TMTC2: variants seen among roughly 807,000 people sequenced by gnomAD.
The protein encoded by TMTC2 is transmembrane O-mannosyltransferase targeting cadherins 2.
A neutral mutation model predicts 82.4 loss-of-function variants in TMTC2; 43 were observed. The ratio of observed to expected loss-of-function variants is 0.52; its 90% CI spans 0.41 to 0.67. The LOEUF is 0.67. Ranked by LOEUF, TMTC2 falls within the 30% of genes least tolerant of loss-of-function variation. The probability of loss-of-function intolerance (pLI) is 0.00; values close to 1 mark genes in which losing one functional copy is unlikely to be tolerated. For synonymous variants in TMTC2, 408 were observed against 381.9 expected (o/e 1.07, Z -0.80); for missense variants, 919 against 1,012.4 (o/e 0.91, Z 1.25).
At chr12:83,130,920 T>C (rs904934308) in intron 11 of TMTC2, among the ~76,000 whole-genome samples, 1 of 152,188 alleles carries the variant, frequency 6.6e-6, no homozygotes, top group African/African-American at 2.4e-5. Flanking sequence ...CCAGATCTCT[T>C]AAAAATCCAA....
chr12:83,059,002 T>C (rs899482164), intron 10 of TMTC2, among the ~76,000 whole-genome samples: 8 of 151,850 alleles, frequency 5.3e-5, no homozygotes, highest in African/African-American at 2.4e-5. Context: ...AATGAAATAA[T>C]CTATTCCTGG....
intron 1 of TMTC2, among the ~76,000 whole-genome samples, chr12:82,689,080 A>T (rs984975560): frequency 1.3e-5 from 2 of 152,242 alleles, no homozygotes; most frequent in Non-Finnish European, 2.9e-5. Flanking sequence ...GCAACTACAC[A>T]GCATGCTCTG....
intron 7 of TMTC2, among the ~76,000 whole-genome samples, chr12:82,984,632 T>C (rs1056856759): frequency 4.6e-5 from 7 of 152,190 alleles, no homozygotes; most frequent in African/African-American, 1.4e-4. Context: ...TGGAAGATAA[T>C]GCAAGTCACC....
At chr12:82,896,763 TG>T in intron 3 of TMTC2, 117 bp downstream of exon 3, 1 of 709,780 alleles carries the variant, frequency 1.4e-6, no homozygotes, top group Non-Finnish European at 2.2e-6. Flanking sequence ...ATGCAGTACC[TG>T]TATCTTTCAT....
chr12:82,859,930 C>T (rs1193931918), intron 2 of TMTC2, among the ~76,000 whole-genome samples: 1 of 152,160 alleles, frequency 6.6e-6, no homozygotes, highest in African/African-American at 2.4e-5. Context: ...GGCCAATGAG[C>T]TTAATAAGAA....
At chr12:82,880,497 T>C (rs1872767340) in intron 2 of TMTC2, among the ~76,000 whole-genome samples, 1 of 152,202 alleles carries the variant, frequency 6.6e-6, no homozygotes, top group Non-Finnish European at 1.5e-5. Flanking sequence ...CCAGTGCATT[T>C]GAACGAGGGC....
At chr12:82,742,838 C>T (rs2136955499) in intron 1 of TMTC2, among the ~76,000 whole-genome samples, 1 of 152,196 alleles carries the variant, frequency 6.6e-6, no homozygotes, top group Admixed American at 6.5e-5. Context: ...CCTGTATATT[C>T]TTCATTCCCT....
chr12:83,036,418 C>A (rs1881663845), intron 9 of TMTC2, among the ~76,000 whole-genome samples: 1 of 150,270 alleles, frequency 6.7e-6, no homozygotes, highest in Admixed American at 6.6e-5. Flanking sequence ...TTTTAGAATG[C>A]TACTACTGTA....
rs201788526 is a variant in TMTC2 at position 82,872,014 on chromosome 12, C to CA, written c.654+14434_654+14435insA. Among the ~76,000 whole-genome samples, 6 of 141,218 alleles carry CA rather than the reference C, an allele frequency of 4.2e-5. No individual in the cohort carries two copies. In the East Asian group the frequency reaches 1.2e-3, roughly 29 times the overall value. The allele number at this position is 141,218 out of a possible 152,430, so 92.6% of individuals were successfully genotyped here. Reference sequence around the variant, plus strand: ...AAAAAAGTTGAACAACACCCCCCCCCCCGCCCACACCCCGCAGTTGCCTAG... The same window carrying CA: ...AAAAAAGTTGAACAACACCCCCCCCCACCGCCCACACCCCGCAGTTGCCTAG... On this transcript the variant is annotated intron_variant, in intron 2 of 11. Transcript: ENST00000321196.
intron 11 of TMTC2, among the ~76,000 whole-genome samples, chr12:83,063,327 T>G (rs1455443077): frequency 6.6e-6 from 1 of 151,814 alleles, no homozygotes; most frequent in Non-Finnish European, 1.5e-5. Context: ...ATACTAAGTA[T>G]TACAAGGAAC....
At chr12:82,772,957 C>T (rs1452108847) in intron 1 of TMTC2, among the ~76,000 whole-genome samples, 1 of 152,078 alleles carries the variant, frequency 6.6e-6, no homozygotes, top group Admixed American at 6.5e-5. Context: ...AGAAAATTGT[C>T]TTTCTACTTC....
At chr12:83,023,683 T>A (rs989751896) in intron 8 of TMTC2, among the ~76,000 whole-genome samples, 1 of 152,226 alleles carries the variant, frequency 6.6e-6, no homozygotes, top group Admixed American at 6.5e-5. Context: ...GTCCTGGGCA[T>A]AATACCATGG....
rs181501345 is a variant in TMTC2 at position 82,695,690 on chromosome 12, G to T, written c.83+8021G>T. Among the ~76,000 whole-genome samples, 21 of 152,326 alleles carry T rather than the reference G, an allele frequency of 1.4e-4. 1 individual carries two copies. The highest frequency in any genetic ancestry group is 1.2e-3 in the Admixed American group (18 of 15,308). Reference sequence around the variant, plus strand: ...ACTCAAGGACTTACTGGTTGTCAGTGCATGTAGAAGTGACATCCCTGCAAA... The same window carrying T: ...ACTCAAGGACTTACTGGTTGTCAGTTCATGTAGAAGTGACATCCCTGCAAA... On this transcript the variant is annotated intron_variant, in intron 1 of 11. Transcript: ENST00000321196.
chr12:83,121,790 C>A (rs140218016), intron 11 of TMTC2, among the ~76,000 whole-genome samples: 1 of 152,000 alleles, frequency 6.6e-6, no homozygotes, highest in African/African-American at 2.4e-5. Context: ...CAGGGCTAGG[C>A]GTGTCTGAGC....
chr12:83,099,890 A>G (rs1884155769), intron 11 of TMTC2, among the ~76,000 whole-genome samples: 1 of 151,098 alleles, frequency 6.6e-6, no homozygotes, highest in Admixed American at 6.6e-5. Context: ...ATGCTATAAA[A>G]TAATATCTTA....
At chr12:83,000,186 G>A (rs113010526) in intron 8 of TMTC2, among the ~76,000 whole-genome samples, 3,962 of 152,164 alleles carry the variant, frequency 0.026, 68 homozygotes, top group Non-Finnish European at 0.038. Flanking sequence ...CCAGGCTGGA[G>A]TGCAGTGGCA....
chr12:83,003,085 A>G (rs2137371116), intron 8 of TMTC2, among the ~76,000 whole-genome samples: 1 of 152,246 alleles, frequency 6.6e-6, no homozygotes, highest in Middle Eastern at 3.4e-3. Flanking sequence ...CTTGCTTTAT[A>G]AATCTGTGTG....
At chr12:83,094,284 A>T (rs1196945507) in intron 11 of TMTC2, among the ~76,000 whole-genome samples, 1 of 152,232 alleles carries the variant, frequency 6.6e-6, no homozygotes, top group African/African-American at 2.4e-5. Flanking sequence ...GCCTTGGAAG[A>T]GGAATAGTGT....
chr12:82,755,396 A>G (rs1876248050), intron 1 of TMTC2, among the ~76,000 whole-genome samples: 1 of 152,186 alleles, frequency 6.6e-6, no homozygotes, highest in African/African-American at 2.4e-5. Context: ...ACCCCAACCC[A>G]TGCTGCAATC....
Sources: gnomAD v4.1 joint callset for allele counts (sites outside exome capture counted in the v4.1 genomes callset) on GRCh38, gnomAD v4.1.1 for gene constraint, MANE v1.5 for transcripts, NCBI Gene and HGNC (gene_info 2026-07-23, HGNC 2026-07-21) for gene names.